Variants in RAD51B observed in about 807,000 individuals in gnomAD.
RAD51B encodes the protein RAD51 paralog B, also known as DNA repair protein RAD51 homolog 2.
RAD51B carries 38 observed loss-of-function variants against 42.2 expected under a neutral mutation model. The observed-to-expected ratio is 0.90, with a 90% confidence interval of 0.70 to 1.18. The LOEUF is 1.18. Among genes scored for constraint, RAD51B ranks in the 50% most tolerant of loss-of-function variants. The probability of loss-of-function intolerance (pLI) is 0.00; values close to 1 mark genes in which losing one functional copy is unlikely to be tolerated. For synonymous variants in RAD51B, 154 were observed against 145.2 expected (o/e 1.06, Z -0.43); for missense variants, 373 against 400.7 (o/e 0.93, Z 0.59).
intron 10 of RAD51B, among the ~76,000 whole-genome samples, chr14:68,580,575 G>A (rs1393552510): frequency 6.6e-6 from 1 of 152,106 alleles, no homozygotes; most frequent in Non-Finnish European, 1.5e-5. Flanking sequence ...CACCCCTGCT[G>A]CTCCACTCAG....
intron 8 of RAD51B, among the ~76,000 whole-genome samples, chr14:68,322,472 G>A (rs368580508): frequency 2.6e-5 from 4 of 152,132 alleles, no homozygotes; most frequent in Non-Finnish European, 5.9e-5. Context: ...GTATGGCCCT[G>A]TAATACTAGG....
intron 7 of RAD51B, among the ~76,000 whole-genome samples, chr14:68,087,937 A>T (rs918050069): frequency 0.011 from 921 of 83,442 alleles, 33 homozygotes; most frequent in African/African-American, 0.05. Flanking sequence ...TAATTATATA[A>T]TTTATTATTA....
intron 11 of RAD51B, among the ~76,000 whole-genome samples, chr14:68,656,673 C>G (rs1444837974): frequency 6.6e-6 from 1 of 152,194 alleles, no homozygotes; most frequent in African/African-American, 2.4e-5. Context: ...GCAGTGTGAC[C>G]TTTGGGCCTG....
intron 7 of RAD51B, among the ~76,000 whole-genome samples, chr14:68,132,758 T>C (rs1430265808): frequency 6.6e-6 from 1 of 152,246 alleles, no homozygotes; most frequent in African/African-American, 2.4e-5. Context: ...ATTTTCCCTC[T>C]GCAGACTTAC....
chr14:68,265,290 C>T (rs1400262871), intron 7 of RAD51B, among the ~76,000 whole-genome samples: 1 of 152,212 alleles, frequency 6.6e-6, no homozygotes, highest in East Asian at 1.9e-4. Flanking sequence ...ATTTATTACT[C>T]ATTTATGGCT....
intron 7 of RAD51B, among the ~76,000 whole-genome samples, chr14:68,160,818 A>G (rs1051746127): frequency 4.7e-4 from 72 of 152,306 alleles, no homozygotes; most frequent in African/African-American, 1.7e-3. Flanking sequence ...ACTATTGGCC[A>G]CTTACAAACA....
intron 7 of RAD51B, among the ~76,000 whole-genome samples, chr14:68,186,003 ACAGAAG>A (rs1212854096): frequency 6.6e-6 from 1 of 152,194 alleles, no homozygotes; most frequent in Non-Finnish European, 1.5e-5. Flanking sequence ...TGGTACTGGT[ACAGAAG>A]CAAACACATT....
At chr14:68,169,578 C>T (rs948693942) in intron 7 of RAD51B, among the ~76,000 whole-genome samples, 1 of 152,042 alleles carries the variant, frequency 6.6e-6, no homozygotes, top group African/African-American at 2.4e-5. Context: ...GAAAAGTTAA[C>T]CTCCTCCCCC....
rs76844695 is a variant in RAD51B at position 68,474,323 on chromosome 14, C to A, written c.1037-3325C>A. Among the ~76,000 whole-genome samples the A allele has an allele frequency of 2.4e-3, 372 of 152,296 alleles. 1 individual carries two copies. The highest frequency in any genetic ancestry group is 8.5e-3 in the African/African-American group (354 of 41,560). On this transcript the variant is annotated intron_variant, in intron 10 of 10. Transcript: ENST00000471583. ...AGATAGTAGACCAATTTCTCTGCAGCCTCGTATAATCGTTAAGTTTGTTGT... is the reference window on the plus strand; with the variant it reads ...AGATAGTAGACCAATTTCTCTGCAGACTCGTATAATCGTTAAGTTTGTTGT...
chr14:68,485,555 G>A (rs1311099462), intron 10 of RAD51B, among the ~76,000 whole-genome samples: 1 of 152,032 alleles, frequency 6.6e-6, no homozygotes, highest in African/African-American at 2.4e-5. Context: ...ACAGACATCA[G>A]CAGAAGCAAG....
intron 8 of RAD51B, among the ~76,000 whole-genome samples, chr14:68,379,231 G>A (rs957579315): frequency 2.0e-5 from 3 of 152,062 alleles, no homozygotes; most frequent in African/African-American, 7.2e-5. Flanking sequence ...AATATTTATT[G>A]GATGATTGAG....
intron 8 of RAD51B, among the ~76,000 whole-genome samples, chr14:68,304,784 T>G (rs191398949): frequency 1.3e-5 from 2 of 152,330 alleles, no homozygotes; most frequent in East Asian, 3.9e-4. Context: ...CTGGCAGGCC[T>G]TTCAGTTTGC....
At chr14:68,369,081 C>A (rs1193469775) in intron 8 of RAD51B, among the ~76,000 whole-genome samples, 1 of 152,146 alleles carries the variant, frequency 6.6e-6, no homozygotes, top group African/African-American at 2.4e-5. Flanking sequence ...AGCTCTTTTC[C>A]CTGAAGCTTG....
chr14:67,823,803 T>A (rs8006089), intron 2 of RAD51B, among the ~76,000 whole-genome samples, 176 bp downstream of exon 2: 52 of 152,154 alleles, frequency 3.4e-4, no homozygotes, highest in Non-Finnish European at 5.6e-4. Context: ...TTCCAACTGC[T>A]ATTTCATTTA....
intron 9 of RAD51B, among the ~76,000 whole-genome samples, chr14:68,430,962 G>C (rs1221866014): frequency 6.6e-6 from 1 of 152,134 alleles, no homozygotes; most frequent in Non-Finnish European, 1.5e-5. Flanking sequence ...TAGCATGAAG[G>C]GCTGTTGAAT....
At chr14:68,082,262 A>G (rs1352489407) in intron 7 of RAD51B, among the ~76,000 whole-genome samples, 3 of 152,260 alleles carry the variant, frequency 2.0e-5, no homozygotes, top group Non-Finnish European at 2.9e-5. Context: ...GCCCGGCCGC[A>G]AATAATATTT....
At chr14:68,076,393 T>C (rs2140479555) in intron 7 of RAD51B, among the ~76,000 whole-genome samples, 1 of 152,316 alleles carries the variant, frequency 6.6e-6, no homozygotes. Flanking sequence ...TGAGTGAGCT[T>C]AGAAAGTTTA....
At chr14:68,541,980 T>C (rs2140369015) in intron 10 of RAD51B, among the ~76,000 whole-genome samples, 1 of 152,328 alleles carries the variant, frequency 6.6e-6, no homozygotes, top group South Asian at 2.1e-4. Flanking sequence ...GTACTCTCAA[T>C]ATACATATAT....
intron 7 of RAD51B, among the ~76,000 whole-genome samples, chr14:68,194,668 G>T (rs2079333988): frequency 6.6e-6 from 1 of 152,192 alleles, no homozygotes; most frequent in Non-Finnish European, 1.5e-5. Flanking sequence ...GTTTATAACT[G>T]TGATCTGAGA....
Sources: allele counts gnomAD v4.1 joint callset (sites outside exome capture counted in the v4.1 genomes callset), GRCh38; gene constraint gnomAD v4.1.1; transcripts MANE v1.5; gene names NCBI Gene and HGNC (gene_info 2026-07-23, HGNC 2026-07-21).